KDM4C: variants seen among roughly 807,000 people sequenced by gnomAD.
The protein encoded by KDM4C is lysine demethylase 4C, also known as lysine-specific demethylase 4C.
Under a neutral mutation model 129.3 loss-of-function variants are expected in KDM4C, and 81 were observed. The ratio of observed to expected loss-of-function variants is 0.63; its 90% CI spans 0.52 to 0.75. The LOEUF is 0.75. Ranked by LOEUF, KDM4C falls within the 30% of genes least tolerant of loss-of-function variation. The pLI is 0.00. For missense variants in KDM4C, 1,457 were observed against 1,304.0 expected (o/e 1.12, Z -1.81); for synonymous variants, 573 against 456.1 (o/e 1.26, Z -3.26).
intron 8 of KDM4C, among the ~76,000 whole-genome samples, chr9:6,967,595 A>G (rs1159190145): frequency 2.0e-5 from 3 of 152,172 alleles, no homozygotes; most frequent in East Asian, 3.9e-4. Context: ...ACGGGCTTGT[A>G]GGGAAGATGC....
chr9:6,725,068 A>T (rs949052023), intron 1 of KDM4C, among the ~76,000 whole-genome samples: 1 of 151,960 alleles, frequency 6.6e-6, no homozygotes, highest in Non-Finnish European at 1.5e-5. Flanking sequence ...ACATTGTTTC[A>T]ATCTCTTGCT....
intron 11 of KDM4C, among the ~76,000 whole-genome samples, chr9:6,989,414 G>T (rs117279784): frequency 6.6e-6 from 1 of 152,006 alleles, no homozygotes; most frequent in South Asian, 2.1e-4. Context: ...TGCGTTGTGC[G>T]AGCAAGAGAG....
intron 15 of KDM4C, among the ~76,000 whole-genome samples, chr9:7,043,177 C>A (rs893423746): frequency 1.3e-5 from 2 of 151,960 alleles, no homozygotes; most frequent in Non-Finnish European, 2.9e-5. Flanking sequence ...AAATTTTTGG[C>A]ATGGTACGTG....
intron 4 of KDM4C, among the ~76,000 whole-genome samples, chr9:6,817,098 A>G (rs1027674517): frequency 1.3e-5 from 2 of 151,848 alleles, no homozygotes; most frequent in Non-Finnish European, 2.9e-5. Context: ...TGAAGGATAT[A>G]TGATTGAAAT....
intron 8 of KDM4C, among the ~76,000 whole-genome samples, chr9:6,965,083 A>G (rs1181743745): frequency 6.6e-6 from 1 of 151,996 alleles, no homozygotes; most frequent in Non-Finnish European, 1.5e-5. Flanking sequence ...GGAAATTTCC[A>G]GGAGGGTGCT....
intron 8 of KDM4C, among the ~76,000 whole-genome samples, chr9:6,911,120 TAAC>T (rs1819220286): frequency 6.6e-6 from 1 of 152,144 alleles, no homozygotes; most frequent in African/African-American, 2.4e-5. Flanking sequence ...GTGAAAAAAA[TAAC>T]AGATTATTTT....
chr9:7,095,601 G>A (rs1836329408), intron 17 of KDM4C, among the ~76,000 whole-genome samples: 1 of 151,656 alleles, frequency 6.6e-6, no homozygotes, highest in African/African-American at 2.4e-5. Context: ...AAAATTATGT[G>A]TCCTTTAATT....
At chr9:7,081,176 G>A (rs896560268) in intron 17 of KDM4C, among the ~76,000 whole-genome samples, 5 of 152,274 alleles carry the variant, frequency 3.3e-5, no homozygotes, top group African/African-American at 1.2e-4. Flanking sequence ...ACTTAATGTT[G>A]TCAGTAAACC....
chr9:7,122,098 T>G (rs1482101866), intron 18 of KDM4C, among the ~76,000 whole-genome samples: 1 of 152,122 alleles, frequency 6.6e-6, no homozygotes, highest in African/African-American at 2.4e-5. Context: ...AGAAGAGGTT[T>G]AATTGACTTA....
At chr9:7,011,927 G>A in intron 13 of KDM4C, 48 bp downstream of exon 13, 1 of 1,469,324 alleles carries the variant, frequency 6.8e-7, no homozygotes, top group South Asian at 1.2e-5. Context: ...TGCCTTCCAT[G>A]TGACCACATA....
At chr9:6,892,950 T>A in intron 7 of KDM4C, 145 bp from the exon 8 acceptor site, 1 of 508,330 alleles carries the variant, frequency 2.0e-6, no homozygotes, top group South Asian at 6.6e-5. Context: ...AAGGATTAAG[T>A]AATGAATCTG....
chr9:6,805,253 G>A (rs920861400), intron 2 of KDM4C, among the ~76,000 whole-genome samples: 2 of 152,080 alleles, frequency 1.3e-5, no homozygotes, highest in African/African-American at 4.8e-5. Context: ...AATTCAAACT[G>A]TTTTAATTAG....
chr9:7,083,125 A>G (rs1263387491), intron 17 of KDM4C, among the ~76,000 whole-genome samples: 1 of 152,218 alleles, frequency 6.6e-6, no homozygotes, highest in Non-Finnish European at 1.5e-5. Context: ...TCAGTATTTC[A>G]AGTCACACAC....
chr9:7,032,781 T>A (rs1826994253), intron 15 of KDM4C, among the ~76,000 whole-genome samples: 6 of 152,196 alleles, frequency 3.9e-5, no homozygotes, highest in Non-Finnish European at 8.8e-5. Context: ...GCCAAGCCAC[T>A]GACCTAATCC....
At chr9:6,836,815 T>G (rs1403329119) in intron 4 of KDM4C, among the ~76,000 whole-genome samples, 1 of 152,224 alleles carries the variant, frequency 6.6e-6, no homozygotes, top group Non-Finnish European at 1.5e-5. Context: ...TATTCTACTT[T>G]GTGAATTTAC....
chr9:7,168,634 G>A (rs115172658), intron 20 of KDM4C, among the ~76,000 whole-genome samples: 23,432 of 152,114 alleles, frequency 0.15, 1,919 homozygotes, highest in Middle Eastern at 0.2. Context: ...ACATTGATGA[G>A]GTTTACATGT....
intron 12 of KDM4C, among the ~76,000 whole-genome samples, chr9:7,003,035 A>T (rs1247358464): frequency 2.0e-5 from 3 of 151,968 alleles, no homozygotes; most frequent in Admixed American, 2.0e-4. Context: ...TAATGTTTGT[A>T]TTGTATTTTT....
chr9:7,010,948 G>A (rs1213425426), intron 12 of KDM4C, among the ~76,000 whole-genome samples: 1 of 152,134 alleles, frequency 6.6e-6, no homozygotes, highest in East Asian at 1.9e-4. Flanking sequence ...GAAGGCTGAG[G>A]CGGTACAATG....
At chr9:7,165,190 G>T (rs772630861) in intron 19 of KDM4C, 48 bp from the exon 20 acceptor site, 1 of 1,599,800 alleles carries the variant, frequency 6.3e-7, no homozygotes, top group Admixed American at 1.8e-5. Context: ...TCTAAATGCA[G>T]TCACTTAGGC....
Sources: allele counts gnomAD v4.1 joint callset (sites outside exome capture counted in the v4.1 genomes callset), GRCh38; gene constraint gnomAD v4.1.1; transcripts MANE v1.5; gene names NCBI Gene and HGNC (gene_info 2026-07-23, HGNC 2026-07-21).